The following RTN4 variants were observed in gnomAD, a reference collection of about 807,000 sequenced individuals.
RTN4 encodes reticulon-4.
RTN4 carries 32 observed loss-of-function variants against 90.4 expected under a neutral mutation model. The ratio of observed to expected loss-of-function variants is 0.35; its 90% CI spans 0.27 to 0.48. The LOEUF (loss-of-function observed/expected upper bound fraction) is 0.48, where lower values mean the gene tolerates loss of function less well. Among genes scored for constraint, RTN4 ranks in the 20% least tolerant of loss-of-function variants. The pLI is 0.99. For synonymous variants in RTN4, 629 were observed against 552.5 expected (o/e 1.14, Z -1.94); for missense variants, 1,706 against 1,430.2 (o/e 1.19, Z -3.11).
At chr2:54,974,613 G>A (rs1573256759) in intron 6 of RTN4, 82 bp downstream of exon 6, 1 of 1,134,470 alleles carries the variant, frequency 8.8e-7, no homozygotes, top group Non-Finnish European at 1.3e-6. Context: ...CATACAATGA[G>A]AATATTCTCC....
chr2:55,073,120 G>A (rs768261474), intron 2 of RTN4, among the ~76,000 whole-genome samples: 39 of 152,156 alleles, frequency 2.6e-4, no homozygotes, highest in Non-Finnish European at 4.3e-4. Context: ...AAGTTTTACT[G>A]TACCTACTAT....
chr2:55,132,270 A>T, the RTN4 span, among the ~76,000 whole-genome samples: 1 of 152,188 alleles, frequency 6.6e-6, no homozygotes, highest in African/African-American at 2.4e-5. Flanking sequence ...TGGGAGGCTG[A>T]GGCGGGCGAA....
intron 3 of RTN4, among the ~76,000 whole-genome samples, chr2:55,022,027 A>C (rs1228808563): frequency 6.6e-6 from 1 of 152,244 alleles, no homozygotes; most frequent in African/African-American, 2.4e-5. Flanking sequence ...ATTCCCATTA[A>C]GCTTTCAAAG....
chr2:55,080,609 G>A (rs990919139), exon 2 of RTN4: 1 of 151,900 alleles, frequency 6.6e-6, no homozygotes, highest in African/African-American at 2.4e-5. Flanking sequence ...CTCATATCCA[G>A]AATAGTCTTG....
intron 1 of RTN4, chr2:55,049,212 G>A: frequency 4.1e-6 from 4 of 977,898 alleles, no homozygotes; most frequent in Non-Finnish European, 4.9e-6. Flanking sequence ...GAGGGGAAGC[G>A]CAAAGGGGCC....
intron 2 of RTN4, among the ~76,000 whole-genome samples, chr2:55,063,814 G>A (rs1668344368): frequency 1.3e-5 from 2 of 152,160 alleles, no homozygotes; most frequent in South Asian, 4.2e-4. Flanking sequence ...CTGGGAGGCA[G>A]AGGTTACAGT....
intron 3 of RTN4, among the ~76,000 whole-genome samples, chr2:54,988,315 T>G (rs553115473): frequency 1.3e-5 from 2 of 152,294 alleles, no homozygotes; most frequent in East Asian, 3.9e-4. Flanking sequence ...GGACTCTGTC[T>G]CCAAAAAAAT....
chr2:55,127,589 C>T, the RTN4 span, among the ~76,000 whole-genome samples: 3 of 152,172 alleles, frequency 2.0e-5, no homozygotes, highest in African/African-American at 2.4e-5. Context: ...CCATTCATCA[C>T]GTCATCCATC....
At chr2:55,027,507 A>G (rs373897672) in intron 2 of RTN4, 22 bp from the exon 3 acceptor site, 1 of 1,567,912 alleles carries the variant, frequency 6.4e-7, no homozygotes, top group South Asian at 1.2e-5. Flanking sequence ...GACAGAAAGG[A>G]AAGTTAGAGA....
At chr2:54,980,370 G>A (rs1678021701) in intron 5 of RTN4, among the ~76,000 whole-genome samples, 1 of 152,122 alleles carries the variant, frequency 6.6e-6, no homozygotes, top group Admixed American at 6.6e-5. Context: ...ACTGTGTATG[G>A]ATGAAAATTT....
At chr2:54,996,185 C>A (rs1400646280) in intron 3 of RTN4, among the ~76,000 whole-genome samples, 1 of 152,126 alleles carries the variant, frequency 6.6e-6, no homozygotes, top group Admixed American at 6.5e-5. Context: ...ACATAACACA[C>A]TGTCGAAAGA....
At chr2:55,053,883 C>T (rs886687421), upstream of RTN4, among the ~76,000 whole-genome samples, 1 of 152,050 alleles carries the variant, frequency 6.6e-6, no homozygotes, top group Non-Finnish European at 1.5e-5. Flanking sequence ...CTTCCATTAT[C>T]ATGGTCTCAC....
intron 1 of RTN4, among the ~76,000 whole-genome samples, chr2:55,109,073 C>A (rs1051365668): frequency 1.3e-5 from 2 of 152,028 alleles, no homozygotes; most frequent in Non-Finnish European, 1.5e-5. Context: ...TACATCGAAC[C>A]TTTAAACACA....
chr2:55,116,219 C>T (rs1668123502), upstream of RTN4, among the ~76,000 whole-genome samples: 1 of 151,294 alleles, frequency 6.6e-6, no homozygotes, highest in Admixed American at 6.6e-5. Context: ...TGAGTCACTG[C>T]CGGGGCCTCA....
chr2:55,051,753 G>C (rs1668094660), upstream of RTN4, among the ~76,000 whole-genome samples: 1 of 152,190 alleles, frequency 6.6e-6, no homozygotes, highest in African/African-American at 2.4e-5. Flanking sequence ...TGGATTTCAA[G>C]AATTAGTACC....
At position 55,025,986 on chromosome 2, in the gene RTN4, T is replaced by C; in HGVS notation, c.2113A>G (p.Thr705Ala). Residue 705 changes from threonine (T) to alanine (A), a missense_variant, in exon 3 of 9, where the codon ACA (threonine) becomes GCA (alanine). Thr to Ala is a moderately conservative substitution (Grantham distance 58). Transcript: ENST00000337526. ...GGAGCTGGTTCAGCAGAAAGCTTTG[T>C]TTCTTTAATTAAATCACATGCAATA... is the stretch of plus-strand genomic sequence containing the variant. ...ISIACDLIKE[T>A]KLSAEPAPDF... The C allele has an allele frequency of 6.2e-7, 1 of 1,612,786 alleles. No homozygotes were observed. The highest frequency in any genetic ancestry group is 8.5e-7 in the Non-Finnish European group (1 of 1,179,784).
chr2:55,111,088 G>T (rs1357318729), intron 1 of RTN4, among the ~76,000 whole-genome samples: 1 of 151,872 alleles, frequency 6.6e-6, no homozygotes, highest in Non-Finnish European at 1.5e-5. Context: ...TGGGGGATAA[G>T]GTCTGAAAAA....
upstream of RTN4, among the ~76,000 whole-genome samples, chr2:55,114,563 G>A (rs1668091856): frequency 6.6e-6 from 1 of 152,184 alleles, no homozygotes; most frequent in South Asian, 2.1e-4. Flanking sequence ...GATGAGCGTG[G>A]TGACGCACGC....
upstream of RTN4, among the ~76,000 whole-genome samples, chr2:55,116,875 C>CTT (rs67265925): frequency 0.017 from 2,153 of 126,644 alleles, 46 homozygotes; most frequent in Non-Finnish European, 0.021. Context: ...TCTTTTTTTC[C>CTT]TTTTTTTTTT....
Sources: gnomAD v4.1 joint callset for allele counts (sites outside exome capture counted in the v4.1 genomes callset) on GRCh38, gnomAD v4.1.1 for gene constraint, MANE v1.5 for transcripts, NCBI Gene and HGNC (gene_info 2026-07-23, HGNC 2026-07-21) for gene names.